NPIPB2: variants seen among roughly 807,000 people sequenced by gnomAD.
NPIPB2 encodes nuclear pore complex-interacting protein family member B2.
NPIPB2 carries 27 observed loss-of-function variants against 30.8 expected under a neutral mutation model. That is an observed-to-expected ratio of 0.88 (90% CI 0.65 to 1.21). The LOEUF is 1.21. Among genes scored for constraint, NPIPB2 ranks in the 50% most tolerant of loss-of-function variants. The pLI, the probability that NPIPB2 is intolerant of heterozygous loss-of-function variation, is 0.00. For missense variants in NPIPB2, 440 were observed against 446.2 expected (o/e 0.99, Z 0.13); for synonymous variants, 147 against 162.0 (o/e 0.91, Z 0.70).
intron 4 of NPIPB2, among the ~76,000 whole-genome samples, chr16:11,931,396 C>G (rs924452374): frequency 7.0e-6 from 1 of 143,134 alleles, no homozygotes; most frequent in African/African-American, 2.6e-5. Flanking sequence ...TCACCTGATA[C>G]TTGGTTTTAT....
upstream of NPIPB2, among the ~76,000 whole-genome samples, chr16:11,944,221 A>G (rs893414767): frequency 6.7e-6 from 1 of 150,180 alleles, no homozygotes; most frequent in Non-Finnish European, 1.5e-5. Flanking sequence ...CCAGGTTGGA[A>G]TGCACTATTG....
intron 1 of NPIPB2, among the ~76,000 whole-genome samples, chr16:11,970,557 CA>C (rs955945038): frequency 6.5e-4 from 99 of 151,556 alleles, no homozygotes; most frequent in African/African-American, 2.3e-3. Flanking sequence ...TCTTTTGAGA[CA>C]CAGTTTCACT....
chr16:11,972,805 A>G (rs2055243837), intron 1 of NPIPB2, among the ~76,000 whole-genome samples: 1 of 151,264 alleles, frequency 6.6e-6, no homozygotes, highest in Non-Finnish European at 1.5e-5. Context: ...TGGAGGTTGC[A>G]GTGAGCCGAG....
chr16:11,961,039 T>A (rs139487368), intron 1 of NPIPB2, among the ~76,000 whole-genome samples: 1,852 of 152,056 alleles, frequency 0.012, 36 homozygotes, highest in African/African-American at 0.043. Context: ...ATTTTTGTAT[T>A]TTTAGTAGAG....
Position 11,967,489 on chromosome 16 carries a change from G to A in NPIPB2, c.-584+9079C>T, listed in dbSNP as rs1314365039. 37 of 1,394,664 alleles carry A rather than the reference G, an allele frequency of 2.7e-5. No homozygotes were observed. The East Asian group carries it at 3.7e-4, about 14-fold the overall frequency. The allele number at this position is 1,394,664 out of a possible 1,614,324, so 86.4% of individuals were successfully genotyped here. A position where few individuals can be genotyped will look rare whatever the true frequency, so the allele number is the denominator to read the frequency against. ...AAAAATCTCTCTCACATTGCTTTGA[G>A]TCCCGATGTGTACTGCTAAGACTCT... On this transcript the variant is annotated intron_variant, in intron 1 of 5. Coordinates refer to the NPIPB2 transcript ENST00000538896.
chr16:11,932,008 C>T (rs1434365609), intron 4 of NPIPB2, among the ~76,000 whole-genome samples: 1 of 150,874 alleles, frequency 6.6e-6, no homozygotes, highest in Non-Finnish European at 1.5e-5. Flanking sequence ...GATTGAGGGT[C>T]TGCCAATGAA....
chr16:11,961,632 T>C (rs1424718892), intron 1 of NPIPB2, among the ~76,000 whole-genome samples: 2 of 151,114 alleles, frequency 1.3e-5, no homozygotes, highest in Non-Finnish European at 2.9e-5. Context: ...ATACAAAAAT[T>C]AGCCAGGCCT....
chr16:11,942,692 C>A (rs1354229091), upstream of NPIPB2, among the ~76,000 whole-genome samples: 6 of 151,498 alleles, frequency 4.0e-5, no homozygotes, highest in African/African-American at 1.5e-4. Context: ...GCCCACAATA[C>A]CCAGAGGGCT....
intron 1 of NPIPB2, among the ~76,000 whole-genome samples, chr16:11,951,644 A>ACACACACACACACACACACACACC (rs2055065359): frequency 7.0e-6 from 1 of 143,770 alleles, no homozygotes; most frequent in African/African-American, 2.5e-5. Flanking sequence ...ACACACACAC[A>ACACACACACACACACACACACACC]CACACACACA....
At chr16:11,941,749 T>C in intron 1 of NPIPB2, 3 of 877,372 alleles carry the variant, frequency 3.4e-6, no homozygotes. Flanking sequence ...ACATGCCAAG[T>C]AGCGCCCGCA....
At chr16:11,952,782 T>G (rs892737259) in intron 1 of NPIPB2, among the ~76,000 whole-genome samples, 1 of 151,942 alleles carries the variant, frequency 6.6e-6, no homozygotes, top group Middle Eastern at 3.2e-3. Context: ...GCCAGGCTGG[T>G]CTCGAATGCC....
intron 1 of NPIPB2, among the ~76,000 whole-genome samples, chr16:11,955,101 G>A (rs1415891295): frequency 5.9e-5 from 9 of 152,030 alleles, no homozygotes; most frequent in South Asian, 2.1e-4. Flanking sequence ...TAGGCTGGGC[G>A]CGGTGGCTCA....
At chr16:11,967,259 C>T (rs1176819288) in intron 1 of NPIPB2, 2 of 286,842 alleles carry the variant, frequency 7.0e-6, no homozygotes, top group African/African-American at 2.2e-5. Flanking sequence ...GCCTCAGCTT[C>T]CCAAAGTGCT....
upstream of NPIPB2, among the ~76,000 whole-genome samples, chr16:11,946,257 T>A (rs1408919713): frequency 6.6e-6 from 1 of 151,672 alleles, no homozygotes. Context: ...TGGTGGCACA[T>A]GCCTATAATC....
At chr16:11,972,241 G>A (rs115506184) in intron 1 of NPIPB2, among the ~76,000 whole-genome samples, 1,863 of 152,292 alleles carry the variant, frequency 0.012, 38 homozygotes, top group African/African-American at 0.043. Flanking sequence ...GCCTCCAGGT[G>A]GCAGGCTTCA....
rs748200577 is a variant in NPIPB2, at chr16:11,965,504, T to C, written c.-584+11064A>G. ...ATTCATTGGTGTGAACTATTCTGTC[T>C]ATATGGACTGCTTATTCAGAGAATC... On this transcript the variant is annotated intron_variant, in intron 1 of 5. Coordinates refer to the NPIPB2 transcript ENST00000538896. 3 of 1,574,294 alleles carry C rather than the reference T, an allele frequency of 1.9e-6. 1 individual carries two copies. The Admixed American group carries it at 5.2e-5, about 27-fold the overall frequency.
intron 1 of NPIPB2, among the ~76,000 whole-genome samples, chr16:11,956,871 G>A (rs545027154): frequency 7.9e-5 from 12 of 152,226 alleles, no homozygotes; most frequent in Non-Finnish European, 1.5e-4. Flanking sequence ...CTAGGGGGTG[G>A]AGGACAGGTA....
At chr16:11,957,338 T>C (rs539572004) in intron 1 of NPIPB2, among the ~76,000 whole-genome samples, 1 of 152,040 alleles carries the variant, frequency 6.6e-6, no homozygotes, top group African/African-American at 2.4e-5. Flanking sequence ...CTAAGTTTTA[T>C]ACTTTTAGTA....
chr16:11,965,270 T>C (rs934578751), intron 1 of NPIPB2: 2 of 1,609,644 alleles, frequency 1.2e-6, no homozygotes, highest in Admixed American at 1.7e-5. Flanking sequence ...GTAGAGATAT[T>C]ACTTGTCCTT....
Sources: allele counts gnomAD v4.1 joint callset (sites outside exome capture counted in the v4.1 genomes callset), GRCh38; gene constraint gnomAD v4.1.1; transcripts MANE v1.5; gene names NCBI Gene and HGNC (gene_info 2026-07-23, HGNC 2026-07-21).